The following PDE4D variants were observed in gnomAD, a reference collection of about 807,000 sequenced individuals.
PDE4D encodes phosphodiesterase 4D, also known as 3',5'-cyclic-AMP phosphodiesterase 4D.
A neutral mutation model predicts 87.4 loss-of-function variants in PDE4D; 24 were observed. The observed-to-expected ratio is 0.27, with a 90% CI of 0.20 to 0.39. The LOEUF is 0.39. PDE4D is among the 10% of genes least tolerant of loss of function. The pLI, the probability that PDE4D is intolerant of heterozygous loss-of-function variation, is 1.00. For synonymous variants in PDE4D, 384 were observed against 383.2 expected (o/e 1.00, Z -0.02); for missense variants, 714 against 1,041.0 (o/e 0.69, Z 4.32).
At chr5:59,672,642 G>A (rs562767206) in intron 1 of PDE4D, among the ~76,000 whole-genome samples, 46 of 151,954 alleles carry the variant, frequency 3.0e-4, no homozygotes, top group African/African-American at 1.1e-3. Flanking sequence ...TTGTTTCTAA[G>A]TCCACAAAAG....
chr5:60,033,242 C>T (rs1767438098), intron 2 of PDE4D, among the ~76,000 whole-genome samples: 1 of 152,062 alleles, frequency 6.6e-6, no homozygotes, highest in African/African-American at 2.4e-5. Context: ...CAATATTCTA[C>T]CTTTGGTTGT....
chr5:59,177,216 A>G (rs915072958), intron 5 of PDE4D, among the ~76,000 whole-genome samples: 6 of 152,282 alleles, frequency 3.9e-5, no homozygotes, highest in Non-Finnish European at 5.9e-5. Context: ...AAGGGCACTG[A>G]TGCAACCTAG....
At chr5:59,781,081 G>T (rs929159427) in intron 1 of PDE4D, among the ~76,000 whole-genome samples, 1 of 148,914 alleles carries the variant, frequency 6.7e-6, no homozygotes, top group African/African-American at 2.5e-5. Flanking sequence ...CAGGAGAATC[G>T]CTTGAACCTG....
intron 1 of PDE4D, among the ~76,000 whole-genome samples, chr5:60,221,784 T>G (rs563003595): frequency 6.6e-6 from 1 of 152,310 alleles, no homozygotes; most frequent in South Asian, 2.1e-4. Context: ...CATTAGTAGT[T>G]CTCTTTTATC....
At chr5:60,047,410 CT>C (rs1292972841) in intron 2 of PDE4D, among the ~76,000 whole-genome samples, 1 of 152,132 alleles carries the variant, frequency 6.6e-6, no homozygotes, top group African/African-American at 2.4e-5. Context: ...CTTCTGCTAG[CT>C]TTTGAATGTG....
At chr5:59,010,121 T>C (rs1245251726) in intron 6 of PDE4D, among the ~76,000 whole-genome samples, 1 of 151,862 alleles carries the variant, frequency 6.6e-6, no homozygotes, top group Non-Finnish European at 1.5e-5. Context: ...AGCTCAGGAG[T>C]TTGAGATCAG....
intron 1 of PDE4D, among the ~76,000 whole-genome samples, chr5:59,553,284 C>G (rs1818410318): frequency 6.6e-6 from 1 of 152,122 alleles, no homozygotes; most frequent in African/African-American, 2.4e-5. Context: ...GTCTCATTCT[C>G]TCTCACCACA....
At chr5:59,852,575 C>T (rs1244308927) in intron 1 of PDE4D, among the ~76,000 whole-genome samples, 1 of 152,042 alleles carries the variant, frequency 6.6e-6, no homozygotes, top group Non-Finnish European at 1.5e-5. Context: ...GAATGCAGTC[C>T]TGATGTATAT....
intron 5 of PDE4D, among the ~76,000 whole-genome samples, chr5:59,172,352 AT>A (rs1247704656): frequency 7.4e-6 from 1 of 134,532 alleles, no homozygotes; most frequent in African/African-American, 2.8e-5. Context: ...TATATTATAT[AT>A]TTTGTATATA....
intron 1 of PDE4D, among the ~76,000 whole-genome samples, chr5:60,280,173 C>T (rs1306881559): frequency 2.0e-5 from 3 of 152,108 alleles, no homozygotes; most frequent in Non-Finnish European, 4.4e-5. Flanking sequence ...AAGTCATTAT[C>T]ATTCCTAGAG....
intron 1 of PDE4D, among the ~76,000 whole-genome samples, chr5:59,762,640 A>T (rs1387519400): frequency 1.5e-5 from 2 of 129,342 alleles, no homozygotes; most frequent in Non-Finnish European, 3.3e-5. Flanking sequence ...ATATGGGTAC[A>T]CATATGTGTA....
intron 1 of PDE4D, among the ~76,000 whole-genome samples, chr5:59,501,702 A>G (rs1808318694): frequency 1.3e-5 from 2 of 152,178 alleles, no homozygotes; most frequent in Non-Finnish European, 2.9e-5. Flanking sequence ...AAAAATATTC[A>G]GAATATAAAA....
chr5:59,981,904 CT>C (rs569641477), intron 3 of PDE4D, among the ~76,000 whole-genome samples: 5 of 151,872 alleles, frequency 3.3e-5, no homozygotes, highest in African/African-American at 1.2e-4. Context: ...TGAAAACAAT[CT>C]TTTTTTTAAT....
At chr5:60,108,415 G>A (rs1007367766) in intron 2 of PDE4D, among the ~76,000 whole-genome samples, 18 of 152,118 alleles carry the variant, frequency 1.2e-4, no homozygotes, top group East Asian at 1.9e-4. Context: ...AATCAATATC[G>A]TGAAAATGGC....
intron 3 of PDE4D, among the ~76,000 whole-genome samples, chr5:59,906,742 G>T (rs917954867): frequency 6.6e-6 from 1 of 152,128 alleles, no homozygotes; most frequent in African/African-American, 2.4e-5. Flanking sequence ...ATTCCAGTCA[G>T]AATGGAGGAG....
intron 5 of PDE4D, among the ~76,000 whole-genome samples, chr5:59,116,625 G>A (rs928036137): frequency 1.3e-5 from 2 of 152,160 alleles, no homozygotes; most frequent in Non-Finnish European, 2.9e-5. Flanking sequence ...GGGTCAAAAG[G>A]AAGATGCTCT....
chr5:59,799,288 A>C (rs1766851178), intron 1 of PDE4D, among the ~76,000 whole-genome samples: 1 of 152,176 alleles, frequency 6.6e-6, no homozygotes. Flanking sequence ...GAATGACTGG[A>C]GTGGATTTTA....
intron 2 of PDE4D, chr5:59,193,824 C>T (rs1364315096): frequency 1.0e-6 from 1 of 981,614 alleles, no homozygotes; most frequent in East Asian, 1.1e-4. Context: ...AAATGGTGTT[C>T]CAGCAGTGGG....
intron 2 of PDE4D, among the ~76,000 whole-genome samples, chr5:60,112,866 G>A (rs776487095): frequency 5.3e-5 from 8 of 152,022 alleles, no homozygotes; most frequent in Non-Finnish European, 1.0e-4. Flanking sequence ...CTTTATTTTT[G>A]CCTCATTCTG....
Sources: gnomAD v4.1 joint callset for allele counts (sites outside exome capture counted in the v4.1 genomes callset) on GRCh38, gnomAD v4.1.1 for gene constraint, MANE v1.5 for transcripts, NCBI Gene and HGNC (gene_info 2026-07-23, HGNC 2026-07-21) for gene names.